LMO7: variants seen among roughly 807,000 people sequenced by gnomAD.
LMO7 encodes LIM domain only protein 7.
LMO7 carries 120 observed loss-of-function variants against 206.5 expected under a neutral mutation model. The ratio of observed to expected loss-of-function variants is 0.58; its 90% CI spans 0.50 to 0.68. The LOEUF (loss-of-function observed/expected upper bound fraction) is 0.68, where lower values mean the gene tolerates loss of function less well. Ranked by LOEUF, LMO7 falls within the 30% of genes least tolerant of loss-of-function variation. The pLI is 0.00. For synonymous variants in LMO7, 706 were observed against 681.5 expected (o/e 1.04, Z -0.56); for missense variants, 1,959 against 1,957.9 (o/e 1.00, Z -0.01).
At chr13:75,834,504 AG>A in intron 17 of LMO7, 117 bp downstream of exon 17, 1 of 750,722 alleles carries the variant, frequency 1.3e-6, no homozygotes, top group South Asian at 2.4e-5. Flanking sequence ...TTGGCATTAA[AG>A]GTTTTTGTAG....
At chr13:75,841,039 T>G in intron 22 of LMO7, 70 bp from the exon 23 acceptor site, 2 of 933,502 alleles carry the variant, frequency 2.1e-6, no homozygotes, top group Non-Finnish European at 3.3e-6. Context: ...ATCATAAAAG[T>G]GTTAATAAAG....
intron 3 of LMO7, among the ~76,000 whole-genome samples, chr13:75,730,033 T>A (rs1413138180): frequency 6.6e-6 from 1 of 152,024 alleles, no homozygotes; most frequent in Admixed American, 6.6e-5. Flanking sequence ...GGTTTGCCAG[T>A]ATTTTATTGA....
At position 75,647,951 on chromosome 13, in the gene LMO7, C is replaced by CTTTTTTTTTTTTTTTT. The variant is rs570513211; in HGVS notation, c.69+11228_69+11243dup. Among the ~76,000 whole-genome samples the CTTTTTTTTTTTTTTTT allele has an allele frequency of 3.7e-4, 34 of 91,148 alleles. 2 individuals carry two copies. Among genetic ancestry groups the CTTTTTTTTTTTTTTTT allele is most frequent in the African/African-American group, 6.9e-4 (17 of 24,682 alleles). 59.8% of individuals were successfully genotyped at this position (91,148 alleles called of 152,430 possible). A position where few individuals can be genotyped will look rare whatever the true frequency, so the allele number is the denominator to read the frequency against. Reference sequence around the variant, plus strand: ...GATTTTCTCTTGTTTTCTTTTCTTTCTTTTTTTTTTTTTTTTTTGAGACAG... The same window carrying CTTTTTTTTTTTTTTTT: ...GATTTTCTCTTGTTTTCTTTTCTTTCTTTTTTTTTTTTTTTTTTTTTTTTTTTTTTTTTTGAGACAG... On this transcript the variant is annotated intron_variant, in intron 1 of 30. Coordinates refer to ENST00000377534, the MANE Select transcript of LMO7 (RefSeq NM_001306080.2).
At chr13:75,629,891 C>T (rs1389999516) in intron 2 of LMO7, among the ~76,000 whole-genome samples, 1 of 152,062 alleles carries the variant, frequency 6.6e-6, no homozygotes, top group Non-Finnish European at 1.5e-5. Flanking sequence ...TACCATTTAC[C>T]AAATCAGGAA....
rs566169038 is a variant in LMO7 at position 75,801,671 on chromosome 13, C to A, written c.661+789C>A. ...CTATTCAGATTTGACTAGATTGAAA[C>A]CACAAGTGAAGTTTTTTTTTTGAAA... On this transcript the variant is annotated intron_variant, in intron 7 of 30. Transcript: ENST00000377534. Among the ~76,000 whole-genome samples, 166 of 152,290 alleles carry A rather than the reference C, an allele frequency of 1.1e-3. 1 individual carries two copies. The Middle Eastern group carries it at 0.014, about 12-fold the overall frequency.
chr13:75,625,625 T>A (rs767246872), intron 2 of LMO7, among the ~76,000 whole-genome samples: 9 of 152,142 alleles, frequency 5.9e-5, no homozygotes, highest in Non-Finnish European at 1.2e-4. Context: ...TTCAGTTACG[T>A]GAGTTTGGAG....
intron 3 of LMO7, among the ~76,000 whole-genome samples, chr13:75,733,284 T>A (rs2045454708): frequency 6.6e-6 from 1 of 152,232 alleles, no homozygotes; most frequent in Admixed American, 6.5e-5. Context: ...TCCACCCAGT[T>A]TGAGCTTCCC....
chr13:75,773,914 T>C (rs775127102), intron 4 of LMO7, among the ~76,000 whole-genome samples: 1 of 152,144 alleles, frequency 6.6e-6, no homozygotes, highest in Non-Finnish European at 1.5e-5. Context: ...AAATGAGCAC[T>C]TCCTGGTGTT....
upstream of LMO7, among the ~76,000 whole-genome samples, chr13:75,632,971 C>G (rs1349052776): frequency 2.0e-5 from 3 of 146,630 alleles, no homozygotes; most frequent in Non-Finnish European, 4.4e-5. Flanking sequence ...AAGTGATTCT[C>G]CTGCCTCAGC....
At chr13:75,652,284 A>G (rs1365366501) in intron 1 of LMO7, among the ~76,000 whole-genome samples, 1 of 152,022 alleles carries the variant, frequency 6.6e-6, no homozygotes, top group Admixed American at 6.6e-5. Context: ...ACCAATCTCT[A>G]TATCTAGCCA....
intron 3 of LMO7, among the ~76,000 whole-genome samples, chr13:75,759,189 A>T (rs1331650937): frequency 6.6e-6 from 1 of 152,080 alleles, no homozygotes; most frequent in African/African-American, 2.4e-5. Context: ...CCATGATCCA[A>T]TCGCCTCTCT....
intron 3 of LMO7, among the ~76,000 whole-genome samples, chr13:75,753,507 T>C (rs2047438598): frequency 6.6e-6 from 1 of 152,166 alleles, no homozygotes; most frequent in Non-Finnish European, 1.5e-5. Context: ...TTTGGCTGTG[T>C]CCTCACCCAA....
chr13:75,629,704 G>A (rs1283585202), intron 2 of LMO7, among the ~76,000 whole-genome samples: 2 of 152,168 alleles, frequency 1.3e-5, no homozygotes, highest in Non-Finnish European at 2.9e-5. Flanking sequence ...GCAGGAGTGG[G>A]GAGTGTGTTG....
At chr13:75,642,672 G>GA (rs1186043392) in intron 1 of LMO7, among the ~76,000 whole-genome samples, 5 of 152,084 alleles carry the variant, frequency 3.3e-5, no homozygotes, top group African/African-American at 1.2e-4. Flanking sequence ...CCCACTGGGT[G>GA]AAAAAAACGG....
chr13:75,696,628 C>G (rs983365218), intron 1 of LMO7, among the ~76,000 whole-genome samples: 1 of 152,078 alleles, frequency 6.6e-6, no homozygotes, highest in Non-Finnish European at 1.5e-5. Context: ...TCAATCCAGG[C>G]CATTTGAATC....
chr13:75,659,444 C>T (rs1439974909), intron 1 of LMO7, among the ~76,000 whole-genome samples: 1 of 152,168 alleles, frequency 6.6e-6, no homozygotes, highest in Admixed American at 6.5e-5. Context: ...ATTGGACTTA[C>T]AGTTCCACAT....
chr13:75,702,535 A>G (rs1476589874), intron 1 of LMO7, among the ~76,000 whole-genome samples: 1 of 152,218 alleles, frequency 6.6e-6, no homozygotes, highest in Non-Finnish European at 1.5e-5. Flanking sequence ...ACTCCCCAAT[A>G]TTATGTAGTA....
chr13:75,684,054 A>G (rs1463830582), intron 1 of LMO7, among the ~76,000 whole-genome samples: 2 of 152,134 alleles, frequency 1.3e-5, no homozygotes, highest in Admixed American at 1.3e-4. Context: ...GGGGGACAGA[A>G]TGAGGCATCT....
upstream of LMO7, among the ~76,000 whole-genome samples, chr13:75,635,372 A>G (rs2035646554): frequency 6.6e-6 from 1 of 152,038 alleles, no homozygotes; most frequent in South Asian, 2.1e-4. Flanking sequence ...TCCTTTGTGG[A>G]GACCTGATTT....
Sources: gnomAD v4.1 joint callset for allele counts (sites outside exome capture counted in the v4.1 genomes callset) on GRCh38, gnomAD v4.1.1 for gene constraint, MANE v1.5 for transcripts, NCBI Gene and HGNC (gene_info 2026-07-23, HGNC 2026-07-21) for gene names.